Variants in FICD observed in about 807,000 individuals in gnomAD.
The protein encoded by FICD is protein adenylyltransferase FICD.
Under a neutral mutation model 28.0 loss-of-function variants are expected in FICD, and 13 were observed. The observed-to-expected ratio is 0.46, with a 90% CI of 0.30 to 0.74. The LOEUF is 0.74. Ranked by LOEUF, FICD falls within the 30% of genes least tolerant of loss-of-function variation. The probability of loss-of-function intolerance (pLI) is 0.07; values close to 1 mark genes in which losing one functional copy is unlikely to be tolerated. For synonymous variants in FICD, 268 were observed against 266.4 expected (o/e 1.01, Z -0.06); for missense variants, 576 against 624.5 (o/e 0.92, Z 0.83).
Position 108,519,800 on chromosome 12 carries a change from AAGGTGG to A in FICD, c.*329_*334del. ...AAGGTTCTGGAGCAGAATTTGCACT[AAGGTGG>A]AGGAGCGGCCAAGAGGTGTGGGACG... On this transcript the variant is annotated 3_prime_UTR_variant, in exon 3 of 3. Transcript: ENST00000552695. This position sits in a 1 kb window ranked among gnomAD's most constrained non-coding sequence, Gnocchi z 4.5. 1 of 214,098 alleles carries A rather than the reference AAGGTGG, an allele frequency of 4.7e-6. No individual in the cohort carries two copies. Among genetic ancestry groups the A allele is most frequent in the South Asian group, 1.2e-4 (1 of 8,612 alleles). 13.3% of individuals were successfully genotyped at this position (214,098 alleles called of 1,614,324 possible).
rs372339284 is a variant in FICD at position 108,518,767 on chromosome 12, C to T, written c.669C>T (p.Tyr223=). Residue 223 remains tyrosine (Y), a synonymous_variant, in exon 3 of 3, where the codon TAC becomes TAT. Transcript: ENST00000552695. This position sits in a 1 kb window ranked among gnomAD's most constrained non-coding sequence, Gnocchi z 4.4. ...SALRRVMEET[Y]YHHIYHTVAI... ...TGCGCAGGGTCATGGAGGAGACCTA[C>T]TACCATCACATCTACCACACAGTGG... 95 of 1,614,086 alleles carry T rather than the reference C, an allele frequency of 5.9e-5. No individual in the cohort carries two copies. Among genetic ancestry groups the T allele is most frequent in the Non-Finnish European group, 7.8e-5 (92 of 1,180,042 alleles).
chr12:108,517,717 C>T (rs999287605), intron 2 of FICD, among the ~76,000 whole-genome samples: 1 of 152,080 alleles, frequency 6.6e-6, no homozygotes, highest in Admixed American at 6.5e-5. Flanking sequence ...GAGCAGGCTC[C>T]CCACCTCCAC....
Position 108,519,641 on chromosome 12 carries a change from C to A in FICD, c.*166C>A. 1 of 563,314 alleles carries A rather than the reference C, an allele frequency of 1.8e-6. No individual in the cohort carries two copies. Among genetic ancestry groups the A allele is most frequent in the Non-Finnish European group, 3.1e-6 (1 of 324,938 alleles). 34.9% of individuals were successfully genotyped at this position (563,314 alleles called of 1,614,324 possible). On this transcript the variant is annotated 3_prime_UTR_variant, in exon 3 of 3. Coordinates refer to ENST00000552695, the MANE Select transcript of FICD (RefSeq NM_007076.3). The surrounding 1 kb of genome is among the most constrained non-coding windows in gnomAD (Gnocchi z 4.5). ...AAAACTAAGTTATGAAGCCTTGTCT[C>A]TAAAATAACTTATAATTCAACCAAG...
rs1872023016 is a variant in FICD, at chr12:108,519,231, A to G, written c.1133A>G (p.Asn378Ser). The G allele has an allele frequency of 1.2e-6, 2 of 1,614,068 alleles. No homozygotes were observed. Among genetic ancestry groups the G allele is most frequent in the Admixed American group, 3.3e-5 (2 of 60,014 alleles). ...GNGRTSRLLM[N>S]LILMQAGYPP... is the part of the protein sequence containing the mutation. ...GGGAGGACCTCCCGTCTGCTCATGA[A>G]CCTCATCCTCATGCAGGCGGGCTAC... The change falls in exon 3 of 3, where the codon AAC becomes AGC. Residue 378 changes from asparagine (N) to serine (S), a missense_variant. Coordinates refer to ENST00000552695, the MANE Select transcript of FICD (RefSeq NM_007076.3). This position sits in a 1 kb window ranked among gnomAD's most constrained non-coding sequence, Gnocchi z 4.5.
At position 108,518,859 on chromosome 12, in the gene FICD, C is replaced by T. The variant is rs376371078; in HGVS notation, c.761C>T (p.Pro254Leu). Residue 254 changes from proline to leucine, a missense_variant, in exon 3 of 3, where the codon CCC becomes CTC. Pro to Leu is a moderately conservative substitution (Grantham distance 98). Coordinates refer to ENST00000552695, the MANE Select transcript of FICD (RefSeq NM_007076.3). This position sits in a 1 kb window ranked among gnomAD's most constrained non-coding sequence, Gnocchi z 4.4. ...ATCCTGGAGACCCGCTACGCCGTGC[C>T]CGGGAAGAGCCTGGAGGAGCAGAAC... ...RHILETRYAVPGKSLEEQNEV... is the reference protein window; with the variant it reads ...RHILETRYAVLGKSLEEQNEV... The T allele has an allele frequency of 1.9e-6, 3 of 1,614,048 alleles. No homozygotes were observed. The highest frequency in any genetic ancestry group is 2.7e-5 in the African/African-American group (2 of 74,918).
chr12:108,519,202 C>A lies in FICD; in HGVS notation c.1104C>A (p.Gly368=), dbSNP rs1456267169. 5.6e-6 allele frequency: 9 copies of A among 1,614,098 alleles called. No individual in the cohort carries two copies. In the African/African-American group the frequency reaches 6.7e-5, roughly 12 times the overall value. The change falls in exon 3 of 3, where the codon GGC becomes GGA. Residue 368 remains glycine, a synonymous_variant. Coordinates refer to ENST00000552695, the MANE Select transcript of FICD (RefSeq NM_007076.3). This position sits in a 1 kb window ranked among gnomAD's most constrained non-coding sequence, Gnocchi z 4.5. ...KLVYIHPFID[G]NGRTSRLLMN... is the part of the protein sequence containing the mutation. ...TTTACATCCACCCTTTCATTGATGG[C>A]AACGGGAGGACCTCCCGTCTGCTCA... is the stretch of plus-strand genomic sequence containing the variant.
At chr12:108,517,983 G>C in intron 2 of FICD, 1 of 631,160 alleles carries the variant, frequency 1.6e-6, no homozygotes, top group Non-Finnish European at 2.8e-6. Flanking sequence ...TGGGCCTCCC[G>C]GGGCAGGAAC....
chr12:108,517,011 T>C lies in FICD; in HGVS notation c.39T>C (p.Thr13=). ...LIPMASVMAV[T]EPKWVSVWSR... ...CAATGGCTTCAGTGATGGCGGTGAC[T>C]GAACCGAAATGGGTCTCGGTCTGGA... The change falls in exon 2 of 3, where the codon ACT becomes ACC. Residue 13 remains threonine, a synonymous_variant. Transcript: ENST00000552695. 6.5e-7 allele frequency: 1 copy of C among 1,547,690 alleles called. No homozygotes were observed.
In FICD at chr12:108,518,862, G is replaced by C. The variant is rs757676830; in HGVS notation, c.764G>C (p.Gly255Ala). Residue 255 changes from glycine (G) to alanine (A), a missense_variant, in exon 3 of 3, where the codon GGG (glycine) becomes GCG (alanine). Physicochemically the swap from Gly to Ala is moderately conservative, Grantham distance 60. Coordinates refer to ENST00000552695, the MANE Select transcript of FICD (RefSeq NM_007076.3). This position sits in a 1 kb window ranked among gnomAD's most constrained non-coding sequence, Gnocchi z 4.4. The stretch of plus-strand genomic sequence containing the variant: ...CTGGAGACCCGCTACGCCGTGCCCG[G>C]GAAGAGCCTGGAGGAGCAGAACGAG... ...HILETRYAVPGKSLEEQNEVI... is the reference protein window; with the variant it reads ...HILETRYAVPAKSLEEQNEVI... 1 of 1,614,164 alleles carries C rather than the reference G, an allele frequency of 6.2e-7. No homozygotes were observed. Among genetic ancestry groups the C allele is most frequent in the Admixed American group, 1.7e-5 (1 of 60,026 alleles).
Position 108,518,267 on chromosome 12 carries a change from C to G in FICD, c.302-133C>G. On this transcript the variant is annotated intron_variant, in intron 2 of 2. Coordinates refer to ENST00000552695, the MANE Select transcript of FICD (RefSeq NM_007076.3). The surrounding 1 kb of genome is among the most constrained non-coding windows in gnomAD (Gnocchi z 4.4). ...TTGAGTACACACGATGCGGCTGCAA[C>G]AAGCTCCTCAAGGCCAGGGACACAG... 1.3e-6 allele frequency: 1 copy of G among 766,544 alleles called. No individual in the cohort carries two copies. The highest frequency in any genetic ancestry group is 2.7e-5 in the East Asian group (1 of 37,576). 47.5% of individuals were successfully genotyped at this position (766,544 alleles called of 1,614,324 possible).
At position 108,515,394 on chromosome 12, in the gene FICD, G is replaced by A. The variant is rs1392839988; in HGVS notation, c.-59+33G>A. 3.3e-5 allele frequency: 5 copies of A among 152,456 alleles called. 1 individual carries two copies. The highest frequency in any genetic ancestry group is 7.2e-5 in the African/African-American group (3 of 41,452). The allele number at this position is 152,456 out of a possible 1,614,324, so 9.4% of individuals were successfully genotyped here. A position where few individuals can be genotyped will look rare whatever the true frequency, so the allele number is the denominator to read the frequency against. On this transcript the variant is annotated intron_variant, in intron 1 of 2. Transcript: ENST00000552695. ...GGGGAAAAGCCCTAGGGGCTCGAGA[G>A]GATGAAGCCGGGAAGGGTGCGACGG...
At position 108,518,073 on chromosome 12, in the gene FICD, C is replaced by G. The variant is rs1395366137; in HGVS notation, c.302-327C>G. On this transcript the variant is annotated intron_variant, in intron 2 of 2. Transcript: ENST00000552695. The surrounding 1 kb of genome is among the most constrained non-coding windows in gnomAD (Gnocchi z 4.4). ...GCTGTGGCCCACAGGAAAGGCCCAG[C>G]AGAGAGGGCCCAGGCGAAGTAAATG... The G allele has an allele frequency of 2.9e-6, 2 of 699,688 alleles. No homozygotes were observed. Among genetic ancestry groups the G allele is most frequent in the South Asian group, 3.0e-5 (2 of 67,240 alleles). The allele number at this position is 699,688 out of a possible 1,614,324, so 43.3% of individuals were successfully genotyped here.
chr12:108,518,218 G>A lies in FICD; in HGVS notation c.302-182G>A. On this transcript the variant is annotated intron_variant, in intron 2 of 2. Transcript: ENST00000552695. This position sits in a 1 kb window ranked among gnomAD's most constrained non-coding sequence, Gnocchi z 4.4. Reference sequence around the variant, plus strand: ...TGACTGCATACCACCACACGGCTGGGGCAACAGAGTGGTACCGGGCATGTT... The same window carrying A: ...TGACTGCATACCACCACACGGCTGGAGCAACAGAGTGGTACCGGGCATGTT... 1.4e-6 allele frequency: 1 copy of A among 705,646 alleles called. No individual in the cohort carries two copies. The highest frequency in any genetic ancestry group is 2.6e-6 in the Non-Finnish European group (1 of 387,302). The allele number at this position is 705,646 out of a possible 1,614,324, so 43.7% of individuals were successfully genotyped here. A position where few individuals can be genotyped will look rare whatever the true frequency, so the allele number is the denominator to read the frequency against.
rs139799946 is a variant in FICD at position 108,518,636 on chromosome 12, C to T, written c.538C>T (p.Arg180Cys). The T allele has an allele frequency of 9.9e-6, 16 of 1,614,080 alleles. No individual in the cohort carries two copies. Among genetic ancestry groups the T allele is most frequent in the Admixed American group, 8.3e-5 (5 of 60,008 alleles). ...CTACCATGAGAAAGCACTGGTCAACCGCGATCGGACACTGCCTCTTGTGGA... is the reference window on the plus strand; with the variant it reads ...CTACCATGAGAAAGCACTGGTCAACTGCGATCGGACACTGCCTCTTGTGGA... The part of the protein sequence containing the change: ...SPYHEKALVN[R>C]DRTLPLVEEI... The change falls in exon 3 of 3, where the codon CGC (arginine) becomes TGC (cysteine). Residue 180 changes from arginine to cysteine, a missense_variant. Arg to Cys is a radical substitution (Grantham distance 180). Transcript: ENST00000552695. The surrounding 1 kb of genome is among the most constrained non-coding windows in gnomAD (Gnocchi z 4.4).
intron 2 of FICD, 119 bp downstream of exon 2, chr12:108,517,392 G>C (rs1008930099): frequency 1.3e-6 from 1 of 767,484 alleles, no homozygotes; most frequent in African/African-American, 1.8e-5. Context: ...TGAGCTCCTA[G>C]TATAGACAAG....
chr12:108,518,690 A>G lies in FICD; in HGVS notation c.592A>G (p.Ile198Val). The stretch of plus-strand genomic sequence containing the variant: ...GATCGACCAGAGGTATTTCAGCATC[A>G]TCGACAGCAAAGTGAAGAAGGTCAT... ...EEIDQRYFSI[I>V]DSKVKKVMSI... is the part of the protein sequence containing the mutation. Residue 198 changes from isoleucine (I) to valine (V), a missense_variant, in exon 3 of 3, where the codon ATC becomes GTC. Coordinates refer to ENST00000552695, the MANE Select transcript of FICD (RefSeq NM_007076.3). The surrounding 1 kb of genome is among the most constrained non-coding windows in gnomAD (Gnocchi z 4.4). 6.2e-7 allele frequency: 1 copy of G among 1,614,242 alleles called. No homozygotes were observed. The highest frequency in any genetic ancestry group is 1.1e-5 in the South Asian group (1 of 91,082).
Position 108,516,970 on chromosome 12 carries a change from C to CAGA in FICD, c.-2_1dup. ...TGCGCAAAGGGCCCTCTCCTGAGTC[C>CAGA]AGATGATGCTCATACCAATGGCTTC... On this transcript the variant is annotated 5_prime_UTR_variant, in exon 2 of 3. Coordinates refer to ENST00000552695, the MANE Select transcript of FICD (RefSeq NM_007076.3). 1 of 1,484,870 alleles carries CAGA rather than the reference C, an allele frequency of 6.7e-7. No individual in the cohort carries two copies. The highest frequency in any genetic ancestry group is 9.0e-7 in the Non-Finnish European group (1 of 1,108,964). 92.0% of individuals were successfully genotyped at this position (1,484,870 alleles called of 1,614,324 possible). A position where few individuals can be genotyped will look rare whatever the true frequency, so the allele number is the denominator to read the frequency against.
rs2136653083 is a variant in FICD at position 108,518,564 on chromosome 12, A to G, written c.466A>G (p.Ile156Val). Residue 156 changes from isoleucine to valine, a missense_variant, in exon 3 of 3, where the codon ATC becomes GTC. Transcript: ENST00000552695. This position sits in a 1 kb window ranked among gnomAD's most constrained non-coding sequence, Gnocchi z 4.4. ...FGIFSEEDKD[I>V]IQADYLYTRA... ...CATCTTCTCGGAAGAAGACAAGGAC[A>G]TCATCCAGGCGGACTACTTGTACAC... 8 of 1,614,226 alleles carry G rather than the reference A, an allele frequency of 5.0e-6. No homozygotes were observed. The highest frequency in any genetic ancestry group is 6.8e-6 in the Non-Finnish European group (8 of 1,180,034).
In FICD at chr12:108,519,346, C is replaced by A. The variant is rs756222924; in HGVS notation, c.1248C>A (p.Arg416=). Residue 416 remains arginine, a synonymous_variant, in exon 3 of 3, where the codon CGC becomes CGA. Coordinates refer to ENST00000552695, the MANE Select transcript of FICD (RefSeq NM_007076.3). This position sits in a 1 kb window ranked among gnomAD's most constrained non-coding sequence, Gnocchi z 4.5. ...AGGGCGACGTGAGGCCTTTCATTCG[C>A]TTCATCGCCAAGTGTACTGAGACCA... ...ANEGDVRPFI[R]FIAKCTETTL... 29 of 1,614,084 alleles carry A rather than the reference C, an allele frequency of 1.8e-5. No individual in the cohort carries two copies. Among genetic ancestry groups the A allele is most frequent in the Non-Finnish European group, 2.4e-5 (28 of 1,180,042 alleles).
Sources: gnomAD v4.1 joint callset for allele counts (sites outside exome capture counted in the v4.1 genomes callset) on GRCh38, gnomAD v4.1.1 for gene constraint, Gnocchi (gnomAD v3.1) non-coding constraint, MANE v1.5 for transcripts, NCBI Gene and HGNC (gene_info 2026-07-23, HGNC 2026-07-21) for gene names.